The following TLK1 variants were observed in gnomAD, a reference collection of about 807,000 sequenced individuals.
TLK1 encodes serine/threonine-protein kinase tousled-like 1.
A neutral mutation model predicts 105.3 loss-of-function variants in TLK1; 24 were observed. That is an observed-to-expected ratio of 0.23 (90% CI 0.17 to 0.32). The LOEUF (loss-of-function observed/expected upper bound fraction) is 0.32, where lower values mean the gene tolerates loss of function less well. Among genes scored for constraint, TLK1 ranks in the 10% least tolerant of loss-of-function variants. TLK1 has a pLI of 1.00. For missense variants in TLK1, 558 were observed against 910.5 expected (o/e 0.61, Z 4.98); for synonymous variants, 321 against 310.4 (o/e 1.03, Z -0.36).
chr2:171,154,374 C>G (rs1692156325), intron 1 of TLK1: 1 of 151,928 alleles, frequency 6.6e-6, no homozygotes, highest in Admixed American at 6.6e-5. Context: ...TAATCCAATG[C>G]TCTCATTTTA....
At chr2:171,147,561 T>A (rs1691839089) in intron 1 of TLK1, among the ~76,000 whole-genome samples, 1 of 152,106 alleles carries the variant, frequency 6.6e-6, no homozygotes, top group Non-Finnish European at 1.5e-5. Context: ...ACTATCACTA[T>A]TATGTGTGGA....
intron 3 of TLK1, among the ~76,000 whole-genome samples, chr2:171,082,030 TACACACACACAC>T (rs3084370): frequency 1.4e-5 from 2 of 146,624 alleles, no homozygotes; most frequent in African/African-American, 2.5e-5. Context: ...ACGGGAAAAA[TACACACACACAC>T]ACACACACAC....
chr2:171,097,003 A>G (rs2105498834), intron 2 of TLK1, among the ~76,000 whole-genome samples: 1 of 152,358 alleles, frequency 6.6e-6, no homozygotes. Context: ...GTGTAACCTC[A>G]AAAGAACCCA....
At chr2:171,115,419 C>T (rs1690378943) in intron 2 of TLK1, among the ~76,000 whole-genome samples, 2 of 152,042 alleles carry the variant, frequency 1.3e-5, no homozygotes. Flanking sequence ...GTGACCCGCC[C>T]ACCTCGGCCT....
intron 2 of TLK1, among the ~76,000 whole-genome samples, chr2:171,116,511 C>T (rs1690433714): frequency 6.6e-6 from 1 of 151,876 alleles, no homozygotes; most frequent in African/African-American, 2.4e-5. Context: ...GACCAGCTGG[C>T]CAGCATGGTA....
intron 13 of TLK1, among the ~76,000 whole-genome samples, chr2:171,012,194 T>A (rs929514764): frequency 6.6e-6 from 1 of 152,124 alleles, no homozygotes; most frequent in Non-Finnish European, 1.5e-5. Context: ...GCTCAAAAAT[T>A]TTCAGATTTT....
At chr2:171,029,774 C>T (rs569953757) in intron 11 of TLK1, among the ~76,000 whole-genome samples, 3 of 152,298 alleles carry the variant, frequency 2.0e-5, no homozygotes, top group East Asian at 3.9e-4. Flanking sequence ...TTATTAGGGT[C>T]TCGCTCTGTT....
intron 11 of TLK1, among the ~76,000 whole-genome samples, chr2:171,043,220 ACC>A (rs1686775944): frequency 6.6e-6 from 1 of 152,200 alleles, no homozygotes; most frequent in South Asian, 2.1e-4. Context: ...CTATGGTGAT[ACC>A]TCAAAGTAAT....
chr2:171,195,520 A>T (rs1012348135), intron 1 of TLK1, among the ~76,000 whole-genome samples: 50 of 151,580 alleles, frequency 3.3e-4, no homozygotes, highest in African/African-American at 1.1e-3. Flanking sequence ...AAAAAAAAAA[A>T]AACATAATCC....
chr2:171,122,321 A>C (rs2105539015), intron 1 of TLK1, among the ~76,000 whole-genome samples: 1 of 152,340 alleles, frequency 6.6e-6, no homozygotes, highest in South Asian at 2.1e-4. Context: ...AATTCCTGGC[A>C]CATAATAGGT....
intron 1 of TLK1, among the ~76,000 whole-genome samples, chr2:171,150,707 A>C (rs1332961946): frequency 2.0e-5 from 3 of 152,234 alleles, no homozygotes; most frequent in African/African-American, 7.2e-5. Flanking sequence ...AAAACCCAGA[A>C]AGGAGACAAA....
chr2:171,075,140 G>GCTAAGCACTAGTGCTTAGAATACA (rs1229786191), intron 3 of TLK1, among the ~76,000 whole-genome samples: 11 of 151,840 alleles, frequency 7.2e-5, no homozygotes, highest in East Asian at 3.9e-4. Flanking sequence ...TAGAATCATA[G>GCTAAGCACTAGTGCTTAGAATACA]CTAAGCACTA....
intron 2 of TLK1, among the ~76,000 whole-genome samples, chr2:171,099,195 C>G (rs1031567372): frequency 2.0e-5 from 3 of 151,900 alleles, no homozygotes; most frequent in Admixed American, 6.6e-5. Flanking sequence ...ACACAAAAAC[C>G]AAATGTATAT....
At chr2:171,148,040 G>A (rs1691861617) in intron 1 of TLK1, among the ~76,000 whole-genome samples, 1 of 151,988 alleles carries the variant, frequency 6.6e-6, no homozygotes, top group South Asian at 2.1e-4. Context: ...TCAGGCGTGT[G>A]CCACCACGCC....
At chr2:171,081,779 A>T in intron 3 of TLK1, 1 of 1,082,654 alleles carries the variant, frequency 9.2e-7, no homozygotes, top group Non-Finnish European at 1.3e-6. Context: ...GTGCCTGCAC[A>T]GAACTGCACG....
intron 1 of TLK1, among the ~76,000 whole-genome samples, chr2:171,148,015 C>T (rs1020361845): frequency 6.6e-6 from 1 of 151,946 alleles, no homozygotes; most frequent in African/African-American, 2.4e-5. Flanking sequence ...CTCAGCCTCC[C>T]GAGTAGCTGG....
intron 8 of TLK1, among the ~76,000 whole-genome samples, chr2:171,053,521 C>G (rs1374070402): frequency 6.6e-6 from 1 of 152,104 alleles, no homozygotes; most frequent in East Asian, 1.9e-4. Flanking sequence ...CACCACCATG[C>G]CCAGCCAATT....
At chr2:171,011,901 T>C (rs1382383503) in intron 13 of TLK1, among the ~76,000 whole-genome samples, 2 of 152,120 alleles carry the variant, frequency 1.3e-5, no homozygotes, top group Non-Finnish European at 2.9e-5. Context: ...TTCGGACTTT[T>C]GTAAAATAAA....
chr2:171,009,060 TAGAATC>T (rs1684778139), intron 14 of TLK1, among the ~76,000 whole-genome samples: 1 of 152,146 alleles, frequency 6.6e-6, no homozygotes, highest in African/African-American at 2.4e-5. Context: ...AAACTATTAT[TAGAATC>T]AGAGAAACAG....
Sources: gnomAD v4.1 joint callset for allele counts (sites outside exome capture counted in the v4.1 genomes callset) on GRCh38, gnomAD v4.1.1 for gene constraint, MANE v1.5 for transcripts, NCBI Gene and HGNC (gene_info 2026-07-23, HGNC 2026-07-21) for gene names.